The following CDH18 variants were observed in gnomAD, a reference collection of about 807,000 sequenced individuals.
CDH18 encodes cadherin-18.
CDH18 carries 31 observed loss-of-function variants against 67.9 expected under a neutral mutation model. The observed-to-expected ratio is 0.46, with a 90% CI of 0.34 to 0.62. CDH18 has a LOEUF of 0.62. Among genes scored for constraint, CDH18 ranks in the 20% least tolerant of loss-of-function variants. The probability of loss-of-function intolerance (pLI) is 0.01; values close to 1 mark genes in which losing one functional copy is unlikely to be tolerated. For missense variants in CDH18, 890 were observed against 975.5 expected (o/e 0.91, Z 1.17); for synonymous variants, 362 against 347.2 (o/e 1.04, Z -0.48).
In CDH18 at chr5:19,915,752, GT is replaced by G. The variant is rs544974306; in HGVS notation, c.-257+65307del. 1.4e-3 allele frequency among the ~76,000 whole-genome samples: 210 copies of G among 146,902 alleles called. 1 individual carries two copies. Among genetic ancestry groups the G allele is most frequent in the African/African-American group, 3.8e-3 (151 of 40,168 alleles). On this transcript the variant is annotated intron_variant, in intron 2 of 12. Coordinates refer to ENST00000382275, the MANE Select transcript of CDH18 (RefSeq NM_004934.5). ...AGGCAACATAGATAGATGGATAGGT[GT>G]TTTTTTTTTCTTTTAATTTTCTTTT...
intron 7 of CDH18, among the ~76,000 whole-genome samples, chr5:19,572,924 A>G (rs1741692573): frequency 6.6e-6 from 1 of 152,100 alleles, no homozygotes; most frequent in Admixed American, 6.5e-5. Flanking sequence ...ATTTTTCTGA[A>G]TTGCCTTGGA....
chr5:19,730,994 A>C (rs1767519180), intron 4 of CDH18, among the ~76,000 whole-genome samples: 1 of 152,174 alleles, frequency 6.6e-6, no homozygotes, highest in South Asian at 2.1e-4. Flanking sequence ...TGGCTACTTA[A>C]AATTTTTCTC....
intron 1 of CDH18, among the ~76,000 whole-genome samples, chr5:20,497,898 G>A (rs1346981800): frequency 6.6e-6 from 1 of 152,050 alleles, no homozygotes; most frequent in Non-Finnish European, 1.5e-5. Flanking sequence ...GACTTCGTGA[G>A]GTAATTAGAT....
At chr5:19,751,344 C>G (rs1160938746) in intron 3 of CDH18, among the ~76,000 whole-genome samples, 1 of 152,142 alleles carries the variant, frequency 6.6e-6, no homozygotes, top group Non-Finnish European at 1.5e-5. Flanking sequence ...AAAGATAGGT[C>G]ATTGACTTAA....
chr5:20,437,064 C>T (rs1251773942), intron 1 of CDH18, among the ~76,000 whole-genome samples: 1 of 148,864 alleles, frequency 6.7e-6, no homozygotes, highest in African/African-American at 2.6e-5. Flanking sequence ...TAGTTAATTG[C>T]TAACAAATTG....
At chr5:19,754,281 A>G (rs577436041) in intron 3 of CDH18, among the ~76,000 whole-genome samples, 1 of 152,198 alleles carries the variant, frequency 6.6e-6, no homozygotes, top group South Asian at 2.1e-4. Flanking sequence ...TAACACATAA[A>G]GACTCACATA....
At chr5:20,486,230 T>C (rs1020527099) in intron 1 of CDH18, among the ~76,000 whole-genome samples, 4 of 152,066 alleles carry the variant, frequency 2.6e-5, no homozygotes, top group African/African-American at 9.7e-5. Context: ...TTTCATTAAG[T>C]CGAAAATATT....
At chr5:20,507,623 A>C (rs994464982) in intron 1 of CDH18, among the ~76,000 whole-genome samples, 11 of 152,170 alleles carry the variant, frequency 7.2e-5, no homozygotes, top group African/African-American at 2.7e-4. Flanking sequence ...GGAAAATAAG[A>C]TACTGAACAA....
At chr5:20,074,825 G>A (rs898650295) in intron 2 of CDH18, among the ~76,000 whole-genome samples, 2 of 150,782 alleles carry the variant, frequency 1.3e-5, no homozygotes, top group African/African-American at 4.9e-5. Flanking sequence ...AGAGTTCTTT[G>A]GGCATTAAAA....
At chr5:19,962,274 A>G (rs1796982149) in intron 2 of CDH18, among the ~76,000 whole-genome samples, 1 of 150,924 alleles carries the variant, frequency 6.6e-6, no homozygotes, top group African/African-American at 2.4e-5. Context: ...GGAAAAATAT[A>G]TTTGCTAATC....
intron 2 of CDH18, among the ~76,000 whole-genome samples, chr5:20,074,969 A>G (rs1743798097): frequency 6.6e-6 from 1 of 152,220 alleles, no homozygotes; most frequent in Non-Finnish European, 1.5e-5. Flanking sequence ...TAGATTCAGT[A>G]TCTGAAACCT....
chr5:20,281,944 G>A (rs1244834645), intron 1 of CDH18, among the ~76,000 whole-genome samples: 2 of 152,124 alleles, frequency 1.3e-5, no homozygotes, highest in South Asian at 2.1e-4. Context: ...TTGTAAGTTG[G>A]ATTCCTAGGT....
At chr5:19,519,557 T>C (rs1289658511) in intron 10 of CDH18, among the ~76,000 whole-genome samples, 1 of 152,182 alleles carries the variant, frequency 6.6e-6, no homozygotes, top group East Asian at 1.9e-4. Flanking sequence ...ATGCACGCCT[T>C]CCTGTAATCC....
intron 2 of CDH18, among the ~76,000 whole-genome samples, chr5:20,174,872 T>C (rs1409645885): frequency 2.0e-5 from 3 of 152,166 alleles, no homozygotes; most frequent in Non-Finnish European, 4.4e-5. Context: ...TTTTACAACA[T>C]ATTGTTATAT....
chr5:20,372,041 T>C (rs1307283613), intron 1 of CDH18, among the ~76,000 whole-genome samples: 10 of 152,214 alleles, frequency 6.6e-5, no homozygotes, highest in Non-Finnish European at 1.3e-4. Flanking sequence ...CTTCCTTGCA[T>C]TGGTGAAGAA....
intron 4 of CDH18, among the ~76,000 whole-genome samples, chr5:19,732,461 G>A (rs1462689699): frequency 1.3e-5 from 2 of 151,876 alleles, no homozygotes; most frequent in Non-Finnish European, 2.9e-5. Flanking sequence ...CTATGATTAT[G>A]CCACTGCACT....
At chr5:19,950,183 C>G (rs928391175) in intron 2 of CDH18, among the ~76,000 whole-genome samples, 6 of 151,686 alleles carry the variant, frequency 4.0e-5, no homozygotes, top group Non-Finnish European at 7.4e-5. Context: ...TGAAATACTA[C>G]TAAGATATAA....
intron 5 of CDH18, among the ~76,000 whole-genome samples, chr5:19,686,726 T>A (rs1484259122): frequency 6.6e-6 from 1 of 152,186 alleles, no homozygotes; most frequent in African/African-American, 2.4e-5. Context: ...GAACTCATTG[T>A]ACTTCAAGTT....
intron 4 of CDH18, among the ~76,000 whole-genome samples, chr5:19,734,558 C>A (rs1768047183): frequency 6.6e-6 from 1 of 152,006 alleles, no homozygotes; most frequent in African/African-American, 2.4e-5. Context: ...TCTCGGATTG[C>A]ACAGATTAAA....
Sources: allele counts gnomAD v4.1 joint callset (sites outside exome capture counted in the v4.1 genomes callset), GRCh38; gene constraint gnomAD v4.1.1; transcripts MANE v1.5; gene names NCBI Gene and HGNC (gene_info 2026-07-23, HGNC 2026-07-21).